The following SNX9 variants were observed in gnomAD, a reference collection of about 807,000 sequenced individuals.
The protein encoded by SNX9 is sorting nexin 9, also known as sorting nexin-9.
SNX9 carries 44 observed loss-of-function variants against 89.4 expected under a neutral mutation model. That is an observed-to-expected ratio of 0.49 (90% CI 0.39 to 0.63). SNX9 has a LOEUF of 0.63. Among genes scored for constraint, SNX9 ranks in the 30% least tolerant of loss-of-function variants. The probability of loss-of-function intolerance (pLI) is 0.00; values close to 1 mark genes in which losing one functional copy is unlikely to be tolerated. For synonymous variants in SNX9, 236 were observed against 247.8 expected, an observed-to-expected ratio of 0.95 and a Z score of 0.45; for missense variants, 578 against 736.1, an observed-to-expected ratio of 0.79 and a Z score of 2.49.
At position 157,906,153 on chromosome 6, in the gene SNX9, A is replaced by T; in HGVS notation, c.646A>T (p.Thr216Ser). The T allele has an allele frequency of 1.2e-6, 2 of 1,609,716 alleles. No homozygotes were observed. Among genetic ancestry groups the T allele is most frequent in the Non-Finnish European group, 1.7e-6 (2 of 1,178,796 alleles). ...NKFPGFAKPG[T>S]EQYLLAKQLA... Reference sequence around the variant, plus strand: ...ATTTCCTGGATTTGCGAAACCTGGCACGGAACAGTATTTGTTGGCCAAACA... The same window carrying T: ...ATTTCCTGGATTTGCGAAACCTGGCTCGGAACAGTATTTGTTGGCCAAACA... The change falls in exon 7 of 18, where the codon ACG (threonine) becomes TCG (serine). Residue 216 changes from threonine to serine, a missense_variant. This residue lies in a region of SNX9 where 348 missense variants were observed against 491.4 expected (regional missense o/e 0.71). Transcript: ENST00000392185.
intron 9 of SNX9, among the ~76,000 whole-genome samples, chr6:157,918,433 G>A (rs1041974179): frequency 3.3e-5 from 5 of 151,994 alleles, no homozygotes; most frequent in Admixed American, 6.6e-5. Flanking sequence ...TTTCTGTTAT[G>A]GTTACTGTTT....
At chr6:157,876,910 G>A (rs1782532449) in intron 4 of SNX9, among the ~76,000 whole-genome samples, 1 of 152,230 alleles carries the variant, frequency 6.6e-6, no homozygotes, top group Admixed American at 6.5e-5. Context: ...ATAGCCAAGT[G>A]TTGCCTAGGA....
chr6:157,897,296 C>G (rs1783000115), intron 5 of SNX9, among the ~76,000 whole-genome samples: 1 of 152,158 alleles, frequency 6.6e-6, no homozygotes, highest in Non-Finnish European at 1.5e-5. Context: ...AAACACTTTA[C>G]TTACTACTGT....
At chr6:157,929,690 G>A in intron 12 of SNX9, among the ~76,000 whole-genome samples, 1 of 152,180 alleles carries the variant, frequency 6.6e-6, no homozygotes, top group Non-Finnish European at 1.5e-5. Flanking sequence ...ATAGGAAAGG[G>A]ATCTGTTCTT....
chr6:157,840,544 C>T (rs1388719319), intron 1 of SNX9, among the ~76,000 whole-genome samples: 7 of 151,396 alleles, frequency 4.6e-5, no homozygotes, highest in Admixed American at 4.6e-4. Flanking sequence ...GCCTTTATTA[C>T]CCAAAGCTAA....
At chr6:157,903,219 C>A (rs1783143124) in intron 6 of SNX9, among the ~76,000 whole-genome samples, 1 of 152,162 alleles carries the variant, frequency 6.6e-6, no homozygotes, top group Admixed American at 6.5e-5. Context: ...TTCCATGATT[C>A]AAGGCAGATA....
chr6:157,913,479 C>T (rs976265754), intron 9 of SNX9, among the ~76,000 whole-genome samples: 2 of 152,056 alleles, frequency 1.3e-5, no homozygotes, highest in Non-Finnish European at 2.9e-5. Context: ...CTCATAATTT[C>T]TAAAGGAAAG....
intron 17 of SNX9, 86 bp downstream of exon 17, chr6:157,941,060 T>C: frequency 8.3e-7 from 1 of 1,207,634 alleles, no homozygotes; most frequent in South Asian, 1.3e-5. Flanking sequence ...TTAATCTGTT[T>C]GTATTCTTTA....
At chr6:157,916,361 A>G (rs573479627) in intron 9 of SNX9, among the ~76,000 whole-genome samples, 1 of 152,188 alleles carries the variant, frequency 6.6e-6, no homozygotes, top group South Asian at 2.1e-4. Context: ...GTAGACAATC[A>G]TGTCAGCTTG....
At chr6:157,907,841 C>T (rs959485156) in intron 7 of SNX9, among the ~76,000 whole-genome samples, 2 of 152,224 alleles carry the variant, frequency 1.3e-5, no homozygotes, top group Non-Finnish European at 2.9e-5. Flanking sequence ...AACAGAGCCC[C>T]GTGAAATTGG....
chr6:157,929,163 A>C (rs1388002754), intron 12 of SNX9, among the ~76,000 whole-genome samples: 2 of 152,208 alleles, frequency 1.3e-5, no homozygotes, highest in African/African-American at 4.8e-5. Flanking sequence ...TGTCGCTGTC[A>C]GTCACGGCTT....
intron 4 of SNX9, among the ~76,000 whole-genome samples, chr6:157,883,181 C>G (rs547215284): frequency 2.2e-4 from 34 of 152,178 alleles, no homozygotes; most frequent in African/African-American, 8.2e-4. Flanking sequence ...CTCAGATGAT[C>G]GTTAGCGATT....
intron 1 of SNX9, among the ~76,000 whole-genome samples, chr6:157,846,138 A>C (rs1224647406): frequency 1.3e-5 from 2 of 152,168 alleles, no homozygotes; most frequent in Admixed American, 1.3e-4. Context: ...TCACTTGGTC[A>C]CCTTTTCCCC....
At chr6:157,853,899 A>G (rs183831735) in intron 1 of SNX9, among the ~76,000 whole-genome samples, 26 of 152,114 alleles carry the variant, frequency 1.7e-4, no homozygotes, top group African/African-American at 6.0e-4. Context: ...CCTTTGTGTC[A>G]CAAGGCACAG....
chr6:157,874,964 C>T (rs1782487662), intron 3 of SNX9, 87 bp from the exon 4 acceptor site: 3 of 1,442,712 alleles, frequency 2.1e-6, no homozygotes, highest in South Asian at 3.0e-5. Flanking sequence ...GAATATAAAC[C>T]CTTTTTGACA....
At chr6:157,845,592 G>C (rs779116420) in intron 1 of SNX9, among the ~76,000 whole-genome samples, 1 of 152,208 alleles carries the variant, frequency 6.6e-6, no homozygotes, top group African/African-American at 2.4e-5. Flanking sequence ...GTAAGTATAT[G>C]ATTCAGATGG....
chr6:157,924,325 T>G (rs1783645312), intron 10 of SNX9: 1 of 152,084 alleles, frequency 6.6e-6, no homozygotes, highest in Non-Finnish European at 1.5e-5. Flanking sequence ...CGGGGAGCAG[T>G]GGTGCCTGGG....
At chr6:157,870,517 C>T (rs1372579700) in intron 2 of SNX9, among the ~76,000 whole-genome samples, 1 of 151,280 alleles carries the variant, frequency 6.6e-6, no homozygotes, top group African/African-American at 2.4e-5. Flanking sequence ...TACATGCACT[C>T]ACCTGTGCAA....
At chr6:157,879,000 A>G (rs1583213749) in intron 4 of SNX9, among the ~76,000 whole-genome samples, 1 of 152,224 alleles carries the variant, frequency 6.6e-6, no homozygotes, top group East Asian at 1.9e-4. Flanking sequence ...ACTAGCAGAG[A>G]ATGAAAACAG....
Sources: gnomAD v4.1 joint callset for allele counts (sites outside exome capture counted in the v4.1 genomes callset) on GRCh38, gnomAD v4.1.1 for gene constraint, gnomAD v4.1.1 regional missense constraint, MANE v1.5 for transcripts, NCBI Gene and HGNC (gene_info 2026-07-23, HGNC 2026-07-21) for gene names.